The following ENPP1 variants were observed in gnomAD, a reference collection of about 807,000 sequenced individuals.
ENPP1 encodes ectonucleotide pyrophosphatase/phosphodiesterase 1.
In ENPP1, 73 loss-of-function variants were observed where a neutral mutation model predicts 122.8. The ratio of observed to expected loss-of-function variants is 0.59; its 90% CI spans 0.49 to 0.72. The LOEUF (loss-of-function observed/expected upper bound fraction) is 0.72. ENPP1 is among the 30% of genes least tolerant of loss of function. The pLI is 0.00. For synonymous variants in ENPP1, 367 were observed against 391.6 expected (o/e 0.94, Z 0.74); for missense variants, 978 against 1,128.1 (o/e 0.87, Z 1.91).
intron 8 of ENPP1, among the ~76,000 whole-genome samples, chr6:131,861,179 T>C (rs1354613162): frequency 6.6e-6 from 1 of 152,192 alleles, no homozygotes; most frequent in Non-Finnish European, 1.5e-5. Context: ...TAATATTGTT[T>C]ACTACTTTGT....
intron 1 of ENPP1, among the ~76,000 whole-genome samples, chr6:131,814,405 G>GA (rs887079274): frequency 7.1e-4 from 105 of 147,044 alleles, no homozygotes; most frequent in African/African-American, 1.8e-3. Context: ...CTGACCTAAA[G>GA]AAAAAAAAAA....
intron 8 of ENPP1, 58 bp downstream of exon 8, chr6:131,860,564 G>C (rs1055464353): frequency 4.6e-5 from 61 of 1,339,306 alleles, no homozygotes; most frequent in Non-Finnish European, 6.4e-5. Context: ...TTCAATCAGA[G>C]TAAAATAACC....
intron 7 of ENPP1, 87 bp from the exon 8 acceptor site, chr6:131,860,300 T>C: frequency 3.9e-6 from 4 of 1,030,462 alleles, no homozygotes; most frequent in Non-Finnish European, 5.9e-6. Flanking sequence ...GCTTCAGTTA[T>C]CGGTTTCTTT....
intron 12 of ENPP1, among the ~76,000 whole-genome samples, chr6:131,868,341 A>G (rs540208391): frequency 6.6e-6 from 1 of 152,354 alleles, no homozygotes; most frequent in South Asian, 2.1e-4. Flanking sequence ...CAATACACCA[A>G]GAATTTGAAT....
chr6:131,858,862 T>A, intron 7 of ENPP1, 115 bp downstream of exon 7: 1 of 803,822 alleles, frequency 1.2e-6, no homozygotes, highest in Non-Finnish European at 2.1e-6. Context: ...AATAGGTAGT[T>A]AAGTAAGGAA....
chr6:131,813,064 C>A (rs1194895928), intron 1 of ENPP1, among the ~76,000 whole-genome samples: 2 of 152,124 alleles, frequency 1.3e-5, no homozygotes, highest in Non-Finnish European at 2.9e-5. Flanking sequence ...TGGTCTTGAA[C>A]TCCTGAGCTC....
chr6:131,826,696 A>C (rs1781550024), intron 1 of ENPP1: 1 of 618,572 alleles, frequency 1.6e-6, no homozygotes, highest in African/African-American at 1.8e-5. Context: ...ATCAAGGGAC[A>C]ATTCTTCAGT....
chr6:131,880,002 C>G lies in ENPP1; in HGVS notation c.2068C>G (p.Pro690Ala), dbSNP rs199905220. The G allele has an allele frequency of 1.2e-5, 20 of 1,614,040 alleles. No individual in the cohort carries two copies. The South Asian group carries it at 1.5e-4, about 12-fold the overall frequency. The change falls in exon 20 of 25, where the codon CCC (proline) becomes GCC (alanine). Residue 690 changes from proline to alanine, a missense_variant. This residue lies in a region of ENPP1 where 644 missense variants were observed against 781.5 expected (regional missense o/e 0.82). Transcript: ENST00000647893. ...TGGATACAGCCAAGACATCTTAATGCCCCTTTGGACATCCTATACCGTGGA... is the reference window on the plus strand; with the variant it reads ...TGGATACAGCCAAGACATCTTAATGGCCCTTTGGACATCCTATACCGTGGA... ...MSGYSQDILM[P>A]LWTSYTVDRN...
intron 1 of ENPP1, among the ~76,000 whole-genome samples, chr6:131,816,635 A>T (rs1432792256): frequency 2.0e-5 from 3 of 152,218 alleles, no homozygotes; most frequent in Non-Finnish European, 4.4e-5. Context: ...TGAGTATTCT[A>T]GTTATCTGAG....
rs1782515547 is a variant in ENPP1 at position 131,894,299 on chromosome 6, T to A, written c.*3788T>A. The A allele has an allele frequency of 6.6e-6, 1 of 150,902 alleles. No homozygotes were observed. The highest frequency in any genetic ancestry group is 1.5e-5 in the Non-Finnish European group (1 of 67,940). 9.3% of individuals were successfully genotyped at this position (150,902 alleles called of 1,614,324 possible). ...TGCCTCACATCAGTCCTTTTTTTTT[T>A]TTTTGAGACAGAGTCTCGCTCTGTG... is the stretch of plus-strand genomic sequence containing the variant. On this transcript the variant is annotated 3_prime_UTR_variant, in exon 25 of 25. Coordinates refer to ENST00000647893, the MANE Select transcript of ENPP1 (RefSeq NM_006208.3).
intron 11 of ENPP1, 79 bp downstream of exon 11, chr6:131,865,017 C>T (rs1782071937): frequency 1.2e-6 from 1 of 863,908 alleles, no homozygotes; most frequent in Non-Finnish European, 2.0e-6. Flanking sequence ...GGCTGCTAGA[C>T]CATTTTATAA....
chr6:131,842,208 A>G (rs1211717634), intron 1 of ENPP1, among the ~76,000 whole-genome samples: 1 of 152,226 alleles, frequency 6.6e-6, no homozygotes, highest in Admixed American at 6.5e-5. Flanking sequence ...ATGATTTAAT[A>G]TAAAACTCTT....
chr6:131,827,475 G>A, intron 1 of ENPP1: 1 of 644,126 alleles, frequency 1.6e-6, no homozygotes, highest in Non-Finnish European at 2.8e-6. Context: ...ATAAAATGAA[G>A]CCAGAAACTT....
At chr6:131,824,144 G>A (rs997133120) in intron 1 of ENPP1, among the ~76,000 whole-genome samples, 8 of 151,954 alleles carry the variant, frequency 5.3e-5, no homozygotes, top group Non-Finnish European at 8.8e-5. Flanking sequence ...GATATTTATC[G>A]AAGAATTATA....
intron 1 of ENPP1, among the ~76,000 whole-genome samples, chr6:131,810,101 A>G (rs561706440): frequency 6.6e-6 from 1 of 152,294 alleles, no homozygotes; most frequent in South Asian, 2.1e-4. Flanking sequence ...ACTCATACCT[A>G]TTATCTCAGC....
rs781158498 is a variant in ENPP1 at position 131,873,002 on chromosome 6, G to T, written c.1517G>T (p.Arg506Ile). The T allele has an allele frequency of 1.2e-6, 2 of 1,613,724 alleles. No individual in the cohort carries two copies. Among genetic ancestry groups the T allele is most frequent in the South Asian group, 1.1e-5 (1 of 91,078 alleles). The change falls in exon 15 of 25, where the codon AGA becomes ATA. Residue 506 changes from arginine (R) to isoleucine (I), a missense_variant. Arg to Ile is a moderately conservative substitution (Grantham distance 97). Around this residue, in one of 3 missense-constraint regions of ENPP1, gnomAD observed 644 missense variants for 781.5 expected, o/e 0.82. Coordinates refer to ENST00000647893, the MANE Select transcript of ENPP1 (RefSeq NM_006208.3). ...CGTTTGCACTTTGCTAAGAGTGATA[G>T]AATTGAGCCCTTGACATTCTATTTG... ...PKRLHFAKSD[R>I]IEPLTFYLDP...
At position 131,836,078 on chromosome 6, in the gene ENPP1, A is replaced by G. The variant is rs552484762; in HGVS notation, c.241-11698A>G. Among the ~76,000 whole-genome samples the G allele has an allele frequency of 5.3e-5, 8 of 151,780 alleles. No individual in the cohort carries two copies. In the East Asian group the frequency reaches 9.7e-4, roughly 18 times the overall value. The stretch of plus-strand genomic sequence containing the variant: ...TGTTCTTTTAAAAGAAAGATGTGAC[A>G]GAAAGCACAAAAGATCCCCAAAAAG... On this transcript the variant is annotated intron_variant, in intron 1 of 24. Transcript: ENST00000647893.
intron 21 of ENPP1, 21 bp from the exon 22 acceptor site, chr6:131,883,673 T>A: frequency 9.1e-7 from 1 of 1,100,564 alleles, no homozygotes; most frequent in Non-Finnish European, 1.4e-6. Flanking sequence ...ATGAAAAAGT[T>A]GTCCTCTTTT....
At position 131,808,245 on chromosome 6, in the gene ENPP1, G is replaced by T; in HGVS notation, c.210G>T (p.Lys70Asn). ...LEKAARARTA[K>N]DPNTYKVLSL... ...AGGCGGCGCGCGCCCGCACTGCCAA[G>T]GACCCCAACACCTATAAAGTACTCT... The change falls in exon 1 of 25, where the codon AAG (lysine) becomes AAT (asparagine). Residue 70 changes from lysine (K) to asparagine (N), a missense_variant. Physicochemically the swap from Lys to Asn is moderately conservative, Grantham distance 94 (BLOSUM62 0). This residue lies in a region of ENPP1 where 330 missense variants were observed against 328.5 expected (regional missense o/e 1.00). Coordinates refer to ENST00000647893, the MANE Select transcript of ENPP1 (RefSeq NM_006208.3). 2 of 1,520,118 alleles carry T rather than the reference G, an allele frequency of 1.3e-6. No homozygotes were observed. The allele number at this position is 1,520,118 out of a possible 1,614,324, so 94.2% of individuals were successfully genotyped here. A position where few individuals can be genotyped will look rare whatever the true frequency, so the allele number is the denominator to read the frequency against.
Sources: allele counts gnomAD v4.1 joint callset (sites outside exome capture counted in the v4.1 genomes callset), GRCh38; gene constraint gnomAD v4.1.1; regional missense constraint gnomAD v4.1.1; transcripts MANE v1.5; gene names NCBI Gene and HGNC (gene_info 2026-07-23, HGNC 2026-07-21).